Variants in TBL1XR1 observed in about 807,000 individuals in gnomAD.
TBL1XR1 encodes TBL1X/Y related 1.
A neutral mutation model predicts 66.9 loss-of-function variants in TBL1XR1; 5 were observed. The observed-to-expected ratio is 0.07, with a 90% CI of 0.04 to 0.16. TBL1XR1 has a LOEUF of 0.16. Among genes scored for constraint, TBL1XR1 ranks in the 10% least tolerant of loss-of-function variants. TBL1XR1 has a pLI of 1.00. For synonymous variants in TBL1XR1, 210 were observed against 206.0 expected (o/e 1.02, Z -0.17); for missense variants, 238 against 623.2 (o/e 0.38, Z 6.58).
chr3:177,162,049 G>A (rs930322215), intron 1 of TBL1XR1, among the ~76,000 whole-genome samples: 2 of 152,174 alleles, frequency 1.3e-5, no homozygotes, highest in Non-Finnish European at 2.9e-5. Flanking sequence ...AATGGTTATA[G>A]CAGTTTCTAA....
At chr3:177,072,931 G>T (rs898161062) in intron 2 of TBL1XR1, among the ~76,000 whole-genome samples, 1 of 152,156 alleles carries the variant, frequency 6.6e-6, no homozygotes, top group Non-Finnish European at 1.5e-5. Flanking sequence ...AGGTGTGGTG[G>T]CATGCACCTG....
chr3:177,089,700 A>G (rs1329798076), intron 2 of TBL1XR1, among the ~76,000 whole-genome samples: 1 of 152,224 alleles, frequency 6.6e-6, no homozygotes, highest in Non-Finnish European at 1.5e-5. Context: ...ATTAATTTTT[A>G]GAAGTTGTGG....
chr3:177,132,887 T>C (rs1728471617), intron 1 of TBL1XR1, among the ~76,000 whole-genome samples: 1 of 152,242 alleles, frequency 6.6e-6, no homozygotes, highest in South Asian at 2.1e-4. Context: ...CTGTTCTTGA[T>C]GCCTGTAACT....
chr3:177,190,714 G>A (rs957853411), intron 1 of TBL1XR1, among the ~76,000 whole-genome samples: 1 of 152,148 alleles, frequency 6.6e-6, no homozygotes, highest in Non-Finnish European at 1.5e-5. Flanking sequence ...TGTGACTATA[G>A]CACACCTAAA....
chr3:177,172,563 G>C (rs558602310), intron 1 of TBL1XR1, among the ~76,000 whole-genome samples: 1 of 150,706 alleles, frequency 6.6e-6, no homozygotes, highest in Non-Finnish European at 1.5e-5. Flanking sequence ...CGGAAGGTTA[G>C]TGAGCCATAA....
At chr3:177,042,654 TAAA>T (rs150105359) in intron 10 of TBL1XR1, among the ~76,000 whole-genome samples, 1 of 151,786 alleles carries the variant, frequency 6.6e-6, no homozygotes, top group Non-Finnish European at 1.5e-5. Context: ...ATATCTAACA[TAAA>T]AAAAAATTTT....
At chr3:177,075,558 GAACT>G (rs1361621204) in intron 2 of TBL1XR1, among the ~76,000 whole-genome samples, 2 of 152,118 alleles carry the variant, frequency 1.3e-5, no homozygotes, top group Non-Finnish European at 2.9e-5. Flanking sequence ...ATCTTAGAAA[GAACT>G]AACTCAAGTA....
intron 1 of TBL1XR1, among the ~76,000 whole-genome samples, chr3:177,106,814 A>G (rs978453416): frequency 5.3e-5 from 8 of 152,204 alleles, no homozygotes; most frequent in Non-Finnish European, 1.0e-4. Flanking sequence ...TCTGTGCAGG[A>G]CACAAACTGC....
At chr3:177,066,850 G>A (rs763001861) in intron 2 of TBL1XR1, among the ~76,000 whole-genome samples, 1 of 152,116 alleles carries the variant, frequency 6.6e-6, no homozygotes, top group Non-Finnish European at 1.5e-5. Context: ...ACTGAGATGG[G>A]AAACCACAGA....
chr3:177,127,382 T>C (rs1452723943), intron 1 of TBL1XR1, among the ~76,000 whole-genome samples: 1 of 152,218 alleles, frequency 6.6e-6, no homozygotes, highest in African/African-American at 2.4e-5. Flanking sequence ...CTTTCATCTG[T>C]CTGCCCTTTA....
intron 1 of TBL1XR1, among the ~76,000 whole-genome samples, chr3:177,190,107 C>A (rs530038905): frequency 7.3e-6 from 1 of 136,856 alleles, no homozygotes; most frequent in African/African-American, 2.8e-5. Context: ...CACTCCAGCC[C>A]GGGCAACAAG....
At chr3:177,098,310 A>G (rs568996437) in intron 2 of TBL1XR1, among the ~76,000 whole-genome samples, 156 bp downstream of exon 2, 11 of 152,136 alleles carry the variant, frequency 7.2e-5, no homozygotes, top group Non-Finnish European at 1.3e-4. Context: ...TTTAAACTAC[A>G]TATATTTAAA....
At chr3:177,144,738 G>GTCTC (rs1730044644) in intron 1 of TBL1XR1, among the ~76,000 whole-genome samples, 1 of 151,916 alleles carries the variant, frequency 6.6e-6, no homozygotes. Flanking sequence ...GGGCGACAGA[G>GTCTC]GGAGACTCCG....
intron 2 of TBL1XR1, among the ~76,000 whole-genome samples, chr3:177,080,205 T>A (rs545178088): frequency 1.3e-5 from 2 of 152,370 alleles, no homozygotes; most frequent in South Asian, 2.1e-4. Context: ...AACTTTTAAC[T>A]GCTAGAAAGG....
At chr3:177,097,033 T>G (rs1046503670) in intron 2 of TBL1XR1, among the ~76,000 whole-genome samples, 2 of 151,884 alleles carry the variant, frequency 1.3e-5, no homozygotes, top group African/African-American at 4.8e-5. Flanking sequence ...TTCAGAAGAG[T>G]TTAAACAGAG....
At chr3:177,028,832 T>C (rs1286405690) in intron 14 of TBL1XR1, among the ~76,000 whole-genome samples, 1 of 152,114 alleles carries the variant, frequency 6.6e-6, no homozygotes, top group East Asian at 1.9e-4. Context: ...AACTATGCTA[T>C]TGATTCAGAT....
At chr3:177,108,237 C>G (rs1248166690) in intron 1 of TBL1XR1, among the ~76,000 whole-genome samples, 1 of 152,048 alleles carries the variant, frequency 6.6e-6, no homozygotes, top group African/African-American at 2.4e-5. Context: ...AATATATAAC[C>G]ATTCTATGAA....
rs182107417 is a variant in TBL1XR1, at chr3:177,052,620, G to A, written c.205-894C>T. Among the ~76,000 whole-genome samples the A allele has an allele frequency of 9.7e-4, 147 of 152,288 alleles. 1 individual carries two copies. Among genetic ancestry groups the A allele is most frequent in the Non-Finnish European group, 1.4e-3 (98 of 68,022 alleles). On this transcript the variant is annotated intron_variant, in intron 4 of 15. Coordinates refer to ENST00000457928, the MANE Select transcript of TBL1XR1 (RefSeq NM_024665.7). ...ATTTTAAGAAAAAATTTAGTTTTGCGTTACTGGATGGTCACTCAAAGAGCT... is the reference window on the plus strand; with the variant it reads ...ATTTTAAGAAAAAATTTAGTTTTGCATTACTGGATGGTCACTCAAAGAGCT...
At chr3:177,094,124 G>A (rs1184038832) in intron 2 of TBL1XR1, among the ~76,000 whole-genome samples, 6 of 151,586 alleles carry the variant, frequency 4.0e-5, no homozygotes, top group Admixed American at 3.9e-4. Context: ...CTCAAACAAA[G>A]CAGCAAGAAA....
Sources: gnomAD v4.1 joint callset for allele counts (sites outside exome capture counted in the v4.1 genomes callset) on GRCh38, gnomAD v4.1.1 for gene constraint, MANE v1.5 for transcripts, NCBI Gene and HGNC (gene_info 2026-07-23, HGNC 2026-07-21) for gene names.